The following IFT122 variants were observed in gnomAD, a reference collection of about 807,000 sequenced individuals.
IFT122 encodes the protein intraflagellar transport protein 122 homolog.
In IFT122, 118 loss-of-function variants were observed where a neutral mutation model predicts 161.6. The observed-to-expected ratio is 0.73, with a 90% CI of 0.63 to 0.85. The LOEUF is 0.85. Among genes scored for constraint, IFT122 ranks in the 40% least tolerant of loss-of-function variants. The probability of loss-of-function intolerance (pLI) is 0.00; values close to 1 mark genes in which losing one functional copy is unlikely to be tolerated. For missense variants in IFT122, 1,381 were observed against 1,579.6 expected (o/e 0.87, Z 2.13); for synonymous variants, 550 against 602.4 (o/e 0.91, Z 1.27).
In IFT122 at chr3:129,519,120, G is replaced by C; in HGVS notation, c.3405G>C (p.Leu1135=). Residue 1135 remains leucine, a synonymous_variant, in exon 28 of 30, where the codon CTG becomes CTC. Transcript: ENST00000348417. ...AGATCCCTCCAGGCTCCCAGATTCT[G>C]CGGCTAGTGGAGACCAAGGACTCCA... ...LEIANNSSQI[L]RLVETKDSIG... The C allele has an allele frequency of 6.2e-7, 1 of 1,614,104 alleles. No homozygotes were observed. The highest frequency in any genetic ancestry group is 1.1e-5 in the South Asian group (1 of 91,086).
intron 1 of IFT122, among the ~76,000 whole-genome samples, chr3:129,448,184 T>C (rs1245860078): frequency 1.3e-5 from 2 of 152,188 alleles, no homozygotes; most frequent in African/African-American, 2.4e-5. Context: ...GGGGTAAATA[T>C]CCGAGATTTG....
intron 16 of IFT122, among the ~76,000 whole-genome samples, chr3:129,490,080 C>T (rs915384598): frequency 4.6e-5 from 7 of 152,056 alleles, no homozygotes; most frequent in African/African-American, 1.7e-4. Context: ...CCAGGCAGGT[C>T]TTGAACTCCT....
chr3:129,446,735 G>A (rs894088968), intron 1 of IFT122, among the ~76,000 whole-genome samples: 1 of 152,182 alleles, frequency 6.6e-6, no homozygotes, highest in African/African-American at 2.4e-5. Context: ...TGAGGGCTGT[G>A]TCATGGGCTG....
chr3:129,507,715 C>A lies in IFT122; in HGVS notation c.2839C>A (p.Arg947Ser). The A allele has an allele frequency of 6.2e-7, 1 of 1,614,156 alleles. No individual in the cohort carries two copies. Among genetic ancestry groups the A allele is most frequent in the Non-Finnish European group, 8.5e-7 (1 of 1,179,988 alleles). Residue 947 changes from arginine to serine, a missense_variant, in exon 23 of 30, where the codon CGT (arginine) becomes AGT (serine). Physicochemically the swap from Arg to Ser is moderately radical, Grantham distance 110. Transcript: ENST00000348417. ...GCTTGGCAAGTTCTACCACTTCCAG[C>A]GTTTGGCAGAGCTGTACCATGGTTA... ...TMLGKFYHFQ[R>S]LAELYHGYHA...
In IFT122 at chr3:129,466,968, C is replaced by A. The variant is rs2076871047; in HGVS notation, c.642C>A (p.Ile214=). Residue 214 remains isoleucine, a synonymous_variant, in exon 8 of 30, where the codon ATC becomes ATA. Coordinates refer to ENST00000348417, the MANE Select transcript of IFT122 (RefSeq NM_052989.3). ...TTGTCAACAGATATATTCAGGAAAT[C>A]CCTTCCACTCTGAAGTCAGCAGTGT... ...DVIVNRYIQE[I]PSTLKSAVYS... is the part of the protein sequence containing the mutation. 3 of 1,614,112 alleles carry A rather than the reference C, an allele frequency of 1.9e-6. No homozygotes were observed.
chr3:129,505,674 T>C (rs1273057347), intron 21 of IFT122, among the ~76,000 whole-genome samples: 1 of 152,210 alleles, frequency 6.6e-6, no homozygotes, highest in Non-Finnish European at 1.5e-5. Flanking sequence ...CTACAAGTGC[T>C]TCACTGGCAG....
At chr3:129,516,442 GCCCACA>G (rs1244964467) in intron 26 of IFT122, among the ~76,000 whole-genome samples, 2 of 95,900 alleles carry the variant, frequency 2.1e-5, no homozygotes, top group African/African-American at 8.4e-5. Context: ...GACTGCCCCT[GCCCACA>G]CACACAGAGA....
intron 14 of IFT122, among the ~76,000 whole-genome samples, chr3:129,481,925 A>G (rs1005062357): frequency 6.6e-6 from 1 of 152,208 alleles, no homozygotes; most frequent in South Asian, 2.1e-4. Context: ...TTCCTTGCCA[A>G]TGGAAACCGA....
chr3:129,510,379 G>A (rs1404626965), intron 23 of IFT122, among the ~76,000 whole-genome samples: 2 of 152,220 alleles, frequency 1.3e-5, no homozygotes, highest in African/African-American at 2.4e-5. Flanking sequence ...CGTCAGTCTA[G>A]TGTTACATCT....
intron 13 of IFT122, among the ~76,000 whole-genome samples, chr3:129,480,602 A>G (rs2078526358): frequency 6.6e-6 from 1 of 152,202 alleles, no homozygotes; most frequent in Non-Finnish European, 1.5e-5. Context: ...GTCACAGGGC[A>G]TGAGAGCAGT....
chr3:129,498,516 G>C (rs2108508338), intron 18 of IFT122, among the ~76,000 whole-genome samples: 1 of 152,326 alleles, frequency 6.6e-6, no homozygotes, highest in South Asian at 2.1e-4. Context: ...AGAACCAAAG[G>C]CCAGCCAGGG....
intron 3 of IFT122, 112 bp downstream of exon 3, chr3:129,452,110 C>A: frequency 1.2e-6 from 1 of 824,656 alleles, no homozygotes; most frequent in Non-Finnish European, 2.1e-6. Context: ...GTTGCAAGTT[C>A]AGAAGACAGT....
At chr3:129,505,449 C>T (rs2082095634) in intron 21 of IFT122, among the ~76,000 whole-genome samples, 1 of 152,218 alleles carries the variant, frequency 6.6e-6, no homozygotes, top group Non-Finnish European at 1.5e-5. Context: ...TCAGCATTTC[C>T]AGAGCACCCA....
rs907665834 is a variant in IFT122 at position 129,449,868 on chromosome 3, C to T, written c.42-3C>T. On this transcript the variant is annotated splice_polypyrimidine_tract_variant and splice_region_variant and intron_variant, in intron 1 of 29. Coordinates refer to ENST00000348417, the MANE Select transcript of IFT122 (RefSeq NM_052989.3). The stretch of plus-strand genomic sequence containing the variant: ...TTGTCTTTTTCCCTTGTCTTCTGTT[C>T]AGTATAAATGACATCGCATTTAAGC... The T allele has an allele frequency of 1.2e-5, 20 of 1,608,584 alleles. No homozygotes were observed. Among genetic ancestry groups the T allele is most frequent in the Non-Finnish European group, 1.6e-5 (19 of 1,175,100 alleles).
chr3:129,459,721 CTT>C lies in IFT122; in HGVS notation c.272+1045_272+1046del, dbSNP rs1415043884. Among the ~76,000 whole-genome samples, 662 of 99,266 alleles carry C rather than the reference CTT, an allele frequency of 6.7e-3. 36 individuals are homozygous for C. Among genetic ancestry groups the C allele is most frequent in the African/African-American group, 0.027 (562 of 20,722 alleles). The allele number at this position is 99,266 out of a possible 152,430, so 65.1% of individuals were successfully genotyped here. ...CCTTCCTTCCTTCCTTCCTTCCTTC[CTT>C]CCTTCCCTCCCTCCCTCCCTTCTTC... On this transcript the variant is annotated intron_variant, in intron 4 of 29. Transcript: ENST00000348417.
intron 27 of IFT122, among the ~76,000 whole-genome samples, chr3:129,518,446 C>T (rs2084291788): frequency 6.6e-6 from 1 of 152,194 alleles, no homozygotes; most frequent in East Asian, 1.9e-4. Context: ...TTGCAGCTCC[C>T]AGGTGCTGCC....
chr3:129,471,033 A>G (rs1049411439), intron 9 of IFT122, among the ~76,000 whole-genome samples: 11 of 152,232 alleles, frequency 7.2e-5, no homozygotes, highest in African/African-American at 2.7e-4. Context: ...TATAGAGAGC[A>G]TGGTAGTAGG....
intron 9 of IFT122, among the ~76,000 whole-genome samples, chr3:129,470,732 G>A (rs532555588): frequency 4.6e-4 from 69 of 151,614 alleles, no homozygotes; most frequent in African/African-American, 1.6e-3. Flanking sequence ...CACCATGTCC[G>A]GCTAATTTTG....
intron 1 of IFT122, among the ~76,000 whole-genome samples, chr3:129,441,916 AGT>A (rs1211775860): frequency 2.0e-5 from 3 of 152,220 alleles, no homozygotes; most frequent in Non-Finnish European, 2.9e-5. Flanking sequence ...AGAGTAATAG[AGT>A]GTGGCAAACT....
Sources: gnomAD v4.1 joint callset for allele counts (sites outside exome capture counted in the v4.1 genomes callset) on GRCh38, gnomAD v4.1.1 for gene constraint, MANE v1.5 for transcripts, NCBI Gene and HGNC (gene_info 2026-07-23, HGNC 2026-07-21) for gene names.